Variants in DDHD1 observed in about 807,000 individuals in gnomAD.
DDHD1 encodes DDHD domain containing 1, also known as phospholipase DDHD1.
In DDHD1, 49 loss-of-function variants were observed where a neutral mutation model predicts 96.4. The ratio of observed to expected loss-of-function variants is 0.51; its 90% confidence interval spans 0.40 to 0.64. The LOEUF is 0.64. DDHD1 is among the 30% of genes least tolerant of loss of function. The pLI, the probability that DDHD1 is intolerant of heterozygous loss-of-function variation, is 0.00. For synonymous variants in DDHD1, 442 were observed against 446.5 expected (o/e 0.99, Z 0.13); for missense variants, 1,106 against 1,161.2 (o/e 0.95, Z 0.69).
chr14:53,099,486 CAGTT>C (rs1192311425), intron 2 of DDHD1, among the ~76,000 whole-genome samples: 2 of 152,136 alleles, frequency 1.3e-5, no homozygotes, highest in African/African-American at 4.8e-5. Flanking sequence ...GCTGGTCAGT[CAGTT>C]ATTTTGTAGA....
At chr14:53,106,020 C>CT (rs1156644421) in intron 1 of DDHD1, among the ~76,000 whole-genome samples, 3 of 151,690 alleles carry the variant, frequency 2.0e-5, no homozygotes, top group African/African-American at 7.3e-5. Context: ...CCCAAATCGA[C>CT]TTTTTGCCTA....
intron 4 of DDHD1, among the ~76,000 whole-genome samples, chr14:53,079,890 TG>T (rs1209515064): frequency 1.3e-5 from 2 of 152,178 alleles, no homozygotes; most frequent in Non-Finnish European, 2.9e-5. Context: ...GGATAGTACC[TG>T]GAAGTAGGTT....
At chr14:53,119,871 G>C (rs1888847617) in intron 1 of DDHD1, among the ~76,000 whole-genome samples, 1 of 152,206 alleles carries the variant, frequency 6.6e-6, no homozygotes, top group South Asian at 2.1e-4. Flanking sequence ...AAAGCTGGAA[G>C]CATTCCCTTT....
rs561280675 is a variant in DDHD1, at chr14:53,059,256, A to T, written c.1843-630T>A. 1.1e-3 allele frequency among the ~76,000 whole-genome samples: 172 copies of T among 152,058 alleles called. 1 individual carries two copies. Among genetic ancestry groups the T allele is most frequent in the African/African-American group, 4.0e-3 (164 of 41,482 alleles). On this transcript the variant is annotated intron_variant, in intron 8 of 12. Transcript: ENST00000673822. The stretch of plus-strand genomic sequence containing the variant: ...TTTATTTTATTTCATTTATTTATTT[A>T]TTTTTTGAGACCGAGTCTCGCTCTG...
chr14:53,120,335 G>A (rs1019343653), intron 1 of DDHD1, among the ~76,000 whole-genome samples: 2 of 152,180 alleles, frequency 1.3e-5, no homozygotes, highest in Admixed American at 6.5e-5. Flanking sequence ...TATGCTCATG[G>A]TTAGGAAGAA....
intron 4 of DDHD1, among the ~76,000 whole-genome samples, chr14:53,089,495 C>T (rs934200898): frequency 6.6e-6 from 1 of 152,136 alleles, no homozygotes; most frequent in Non-Finnish European, 1.5e-5. Context: ...GAACACAGGC[C>T]TCAGAAATAA....
chr14:53,088,117 AG>A (rs1407016363), intron 4 of DDHD1, among the ~76,000 whole-genome samples: 1 of 152,240 alleles, frequency 6.6e-6, no homozygotes, highest in Non-Finnish European at 1.5e-5. Context: ...AGACTAAACC[AG>A]GAGGAAGTTG....
chr14:53,114,007 C>A (rs947386811), intron 1 of DDHD1, among the ~76,000 whole-genome samples: 1 of 152,190 alleles, frequency 6.6e-6, no homozygotes, highest in Non-Finnish European at 1.5e-5. Flanking sequence ...AGTCTGAAGT[C>A]GACCAGGGAC....
At chr14:53,151,024 G>A (rs984025056) in intron 1 of DDHD1, among the ~76,000 whole-genome samples, 5 of 152,158 alleles carry the variant, frequency 3.3e-5, no homozygotes, top group Admixed American at 1.3e-4. Context: ...TTTGACACAT[G>A]TTGGAATTGC....
chr14:53,091,441 T>C (rs17704160), intron 4 of DDHD1, among the ~76,000 whole-genome samples: 4,974 of 152,296 alleles, frequency 0.033, 114 homozygotes, highest in South Asian at 0.078. Context: ...CTTTGCAGTA[T>C]TCTTAGTTTC....
In DDHD1 at chr14:53,153,052, C is replaced by T. The variant is rs1292393732; in HGVS notation, c.47G>A (p.Gly16Asp). The change falls in exon 1 of 13, where the codon GGC (glycine) becomes GAC (aspartate). Residue 16 changes from glycine to aspartate, a missense_variant. Transcript: ENST00000673822. ...CCAGGCGCCGCCGCCGCCGCCTCGGCCGTTATGCTCGGGGCTCCGTGGGGA... is the reference window on the plus strand; with the variant it reads ...CCAGGCGCCGCCGCCGCCGCCTCGGTCGTTATGCTCGGGGCTCCGTGGGGA... Reference protein sequence around the residue: ...RGSPRSPEHNGRGGGGGAWEL... With the variant: ...RGSPRSPEHNDRGGGGGAWEL... 1.3e-6 allele frequency: 2 copies of T among 1,491,012 alleles called. No homozygotes were observed. Among genetic ancestry groups the T allele is most frequent in the Non-Finnish European group, 1.8e-6 (2 of 1,127,668 alleles). 92.4% of individuals were successfully genotyped at this position (1,491,012 alleles called of 1,614,324 possible). A position where few individuals can be genotyped will look rare whatever the true frequency, so the allele number is the denominator to read the frequency against.
At chr14:53,093,611 G>T in intron 2 of DDHD1, 167 bp from the exon 3 acceptor site, 2 of 763,494 alleles carry the variant, frequency 2.6e-6, no homozygotes, top group Non-Finnish European at 4.0e-6. Context: ...TGTGAAGCAA[G>T]TAATGGATAG....
intron 1 of DDHD1, among the ~76,000 whole-genome samples, chr14:53,136,465 T>A (rs954938678): frequency 5.3e-5 from 8 of 152,204 alleles, no homozygotes; most frequent in Non-Finnish European, 8.8e-5. Context: ...CACAATGTAG[T>A]ACAGGGCATT....
intron 1 of DDHD1, among the ~76,000 whole-genome samples, chr14:53,119,818 C>G (rs1219332584): frequency 6.6e-6 from 1 of 152,122 alleles, no homozygotes; most frequent in Non-Finnish European, 1.5e-5. Flanking sequence ...ATAATAAGAG[C>G]TATTTATGAC....
intron 1 of DDHD1, among the ~76,000 whole-genome samples, chr14:53,125,211 T>C (rs1726451959): frequency 6.6e-6 from 1 of 152,196 alleles, no homozygotes; most frequent in Non-Finnish European, 1.5e-5. Flanking sequence ...GGAGGTAGCT[T>C]TTATATATTC....
At chr14:53,060,985 T>A in intron 8 of DDHD1, 141 bp downstream of exon 8, 2 of 752,964 alleles carry the variant, frequency 2.7e-6, no homozygotes, top group Non-Finnish European at 4.2e-6. Flanking sequence ...GAAATGGCAG[T>A]GTCCAACATA....
intron 1 of DDHD1, among the ~76,000 whole-genome samples, chr14:53,108,739 G>A (rs1368887045): frequency 1.3e-5 from 2 of 152,108 alleles, no homozygotes; most frequent in Admixed American, 1.3e-4. Context: ...TTTCTTTCCT[G>A]TGTTCAATCA....
At position 53,103,775 on chromosome 14, in the gene DDHD1, A is replaced by G. The variant is rs1404758524; in HGVS notation, c.920T>C (p.Leu307Ser). ...ACAATTGAGATGTTCTTGCTCAATTAAATTACTTTCTTCCTCTTCTAGAGG... is the reference window on the plus strand; with the variant it reads ...ACAATTGAGATGTTCTTGCTCAATTGAATTACTTTCTTCCTCTTCTAGAGG... ...WQPLEEEESN[L>S]IEQEHLNCFR... is the part of the protein sequence containing the mutation. Residue 307 changes from leucine to serine, a missense_variant, in exon 2 of 13, where the codon TTA (leucine) becomes TCA (serine). Physicochemically the swap from Leu to Ser is moderately radical, Grantham distance 145. Transcript: ENST00000673822. 1 of 1,613,766 alleles carries G rather than the reference A, an allele frequency of 6.2e-7. No individual in the cohort carries two copies. Among genetic ancestry groups the G allele is most frequent in the East Asian group, 2.2e-5 (1 of 44,854 alleles).
chr14:53,133,528 G>A (rs1195402430), intron 1 of DDHD1, among the ~76,000 whole-genome samples: 1 of 152,150 alleles, frequency 6.6e-6, no homozygotes, highest in Non-Finnish European at 1.5e-5. Flanking sequence ...AAGGTAGAAA[G>A]AACTAATGGT....
Sources: allele counts gnomAD v4.1 joint callset (sites outside exome capture counted in the v4.1 genomes callset), GRCh38; gene constraint gnomAD v4.1.1; transcripts MANE v1.5; gene names NCBI Gene and HGNC (gene_info 2026-07-23, HGNC 2026-07-21).